TMEM106B: variants seen among roughly 807,000 people sequenced by gnomAD.
TMEM106B encodes the protein transmembrane protein 106B.
In TMEM106B, 15 loss-of-function variants were observed where a neutral mutation model predicts 31.1. That is an observed-to-expected ratio of 0.48 (90% confidence interval 0.32 to 0.74). The LOEUF is 0.74. TMEM106B is among the 30% of genes least tolerant of loss of function. The pLI is 0.03. For synonymous variants in TMEM106B, 126 were observed against 112.5 expected (o/e 1.12, Z -0.76); for missense variants, 283 against 327.3 (o/e 0.86, Z 1.04).
intron 2 of TMEM106B, among the ~76,000 whole-genome samples, chr7:12,217,026 A>AT (rs34797201): frequency 3.9e-4 from 58 of 150,298 alleles, no homozygotes; most frequent in East Asian, 5.9e-4. Flanking sequence ...CAGGAGAGGG[A>AT]TTTTTTTTTT....
chr7:12,225,388 A>T (rs1198242032), intron 4 of TMEM106B, among the ~76,000 whole-genome samples: 1 of 152,152 alleles, frequency 6.6e-6, no homozygotes, highest in African/African-American at 2.4e-5. Context: ...ATACCCAGTA[A>T]TGGGATTGCT....
chr7:12,233,421 G>T lies in TMEM106B; in HGVS notation c.*1446G>T, dbSNP rs1782067494. The T allele has an allele frequency of 6.6e-6, 1 of 151,418 alleles. No individual in the cohort carries two copies. Among genetic ancestry groups the T allele is most frequent in the Non-Finnish European group, 1.5e-5 (1 of 67,616 alleles). The allele number at this position is 151,418 out of a possible 1,614,324, so 9.4% of individuals were successfully genotyped here. ...AAGTGCCTAACTTAGGTCTGAAACA[G>T]CCTGTTTATTAGTCTGACTCTCTCA... On this transcript the variant is annotated 3_prime_UTR_variant, in exon 8 of 8. Coordinates refer to ENST00000396668, the MANE Select transcript of TMEM106B (RefSeq NM_001134232.2).
intron 4 of TMEM106B, among the ~76,000 whole-genome samples, chr7:12,228,632 G>T (rs2128527001): frequency 6.6e-6 from 1 of 151,894 alleles, no homozygotes; most frequent in East Asian, 1.9e-4. Flanking sequence ...CTCAGAAGTA[G>T]GATTGCCCGA....
At position 12,234,866 on chromosome 7, in the gene TMEM106B, C is replaced by T. The variant is rs1292841332; in HGVS notation, c.*2891C>T. ...GTCCAACAAAGGAGAGTGATAGGCT[C>T]CTTATCTTTTAGAAGAGGAAGGAAA... On this transcript the variant is annotated 3_prime_UTR_variant, in exon 8 of 8. Coordinates refer to ENST00000396668, the MANE Select transcript of TMEM106B (RefSeq NM_001134232.2). 2 of 151,704 alleles carry T rather than the reference C, an allele frequency of 1.3e-5. No individual in the cohort carries two copies. Among genetic ancestry groups the T allele is most frequent in the East Asian group, 3.9e-4 (2 of 5,186 alleles). 9.4% of individuals were successfully genotyped at this position (151,704 alleles called of 1,614,324 possible).
Position 12,213,281 on chromosome 7 carries a change from C to T in TMEM106B, c.-2-1528C>T, listed in dbSNP as rs150404395. On this transcript the variant is annotated intron_variant, in intron 1 of 7. Coordinates refer to ENST00000396668, the MANE Select transcript of TMEM106B (RefSeq NM_001134232.2). ...ACATTGGCTTCATAATTTTAACTGT[C>T]AACTGTTGAATGAAAAAAAAACTGT... is the stretch of plus-strand genomic sequence containing the variant. 1.7e-4 allele frequency among the ~76,000 whole-genome samples: 25 copies of T among 147,704 alleles called. No individual in the cohort carries two copies. The East Asian group carries it at 4.5e-3, about 27-fold the overall frequency.
At chr7:12,220,643 A>T (rs1781769043) in intron 3 of TMEM106B, among the ~76,000 whole-genome samples, 1 of 152,226 alleles carries the variant, frequency 6.6e-6, no homozygotes, top group African/African-American at 2.4e-5. Context: ...GTAGTGACTG[A>T]AAACAAGTAT....
intron 2 of TMEM106B, chr7:12,215,588 T>G (rs1339282006): frequency 3.0e-6 from 1 of 332,330 alleles, no homozygotes; most frequent in African/African-American, 2.2e-5. Context: ...TAAAATTTTA[T>G]TTTTTTAATA....
chr7:12,213,260 T>C (rs890374204), intron 1 of TMEM106B, among the ~76,000 whole-genome samples: 1 of 121,410 alleles, frequency 8.2e-6, no homozygotes, highest in Admixed American at 8.6e-5. Flanking sequence ...TTTGGAACAT[T>C]GGCTTCATAA....
rs950798416 is a variant in TMEM106B at position 12,238,917 on chromosome 7, A to G, written c.*6942A>G. 6.6e-6 allele frequency: 1 copy of G among 152,170 alleles called. No homozygotes were observed. Among genetic ancestry groups the G allele is most frequent in the Non-Finnish European group, 1.5e-5 (1 of 68,028 alleles). The allele number at this position is 152,170 out of a possible 1,614,324, so 9.4% of individuals were successfully genotyped here. ...AGGATTTTCAGGATGGCAAATGAGC[A>G]TTGGCTTCAACTTAAAGTCACCAGC... is the stretch of plus-strand genomic sequence containing the variant. On this transcript the variant is annotated 3_prime_UTR_variant, in exon 8 of 8. Transcript: ENST00000396668.
chr7:12,226,099 A>C (rs916176342), intron 4 of TMEM106B, among the ~76,000 whole-genome samples: 18 of 151,132 alleles, frequency 1.2e-4, no homozygotes, highest in African/African-American at 3.7e-4. Context: ...ATGACAAGCC[A>C]GTTTTCCCAG....
Position 12,241,228 on chromosome 7 carries a change from C to T in TMEM106B, c.*9253C>T, listed in dbSNP as rs933415555. On this transcript the variant is annotated 3_prime_UTR_variant, in exon 8 of 8. Coordinates refer to ENST00000396668, the MANE Select transcript of TMEM106B (RefSeq NM_001134232.2). ...AGATGAAATACAAATAATTTTAATC[C>T]CAAATCTATTTCAGACACCTAACTT... 1 of 151,786 alleles carries T rather than the reference C, an allele frequency of 6.6e-6. No homozygotes were observed. Among genetic ancestry groups the T allele is most frequent in the African/African-American group, 2.4e-5 (1 of 41,304 alleles). The allele number at this position is 151,786 out of a possible 1,614,324, so 9.4% of individuals were successfully genotyped here.
intron 4 of TMEM106B, among the ~76,000 whole-genome samples, chr7:12,228,416 ATT>A (rs1475847074): frequency 6.6e-6 from 1 of 150,678 alleles, no homozygotes; most frequent in African/African-American, 2.4e-5. Flanking sequence ...TGGTTTTCAC[ATT>A]TGTTAATACC....
At chr7:12,231,759 A>G (rs897887794) in intron 7 of TMEM106B, 78 bp from the exon 8 acceptor site, 3 of 1,117,112 alleles carry the variant, frequency 2.7e-6, no homozygotes, top group African/African-American at 1.6e-5. Context: ...GATAATTTTT[A>G]TGTGTTAAAG....
rs2128528557 is a variant in TMEM106B at position 12,233,816 on chromosome 7, T to C, written c.*1841T>C. The C allele has an allele frequency of 6.6e-6, 1 of 151,818 alleles. No individual in the cohort carries two copies. The allele number at this position is 151,818 out of a possible 1,614,324, so 9.4% of individuals were successfully genotyped here. On this transcript the variant is annotated 3_prime_UTR_variant, in exon 8 of 8. Coordinates refer to ENST00000396668, the MANE Select transcript of TMEM106B (RefSeq NM_001134232.2). ...TGACATGATCTATGTCTATATATGATATAGGTCCCCTTTTGTCTCAAAATT... is the reference window on the plus strand; with the variant it reads ...TGACATGATCTATGTCTATATATGACATAGGTCCCCTTTTGTCTCAAAATT...
chr7:12,224,806 C>G (rs77799203), intron 4 of TMEM106B, among the ~76,000 whole-genome samples: 16,212 of 150,876 alleles, frequency 0.11, 983 homozygotes, highest in Non-Finnish European at 0.13. Flanking sequence ...CCTTTATCAG[C>G]TTTAAAGATG....
chr7:12,239,239 T>C lies in TMEM106B; in HGVS notation c.*7264T>C, dbSNP rs1368551497. ...CCAACCTCTTGGTAGCTTCCAACTT[T>C]TCTTCAATAGCTTCCTCATCTCTCT... On this transcript the variant is annotated 3_prime_UTR_variant, in exon 8 of 8. Transcript: ENST00000396668. The C allele has an allele frequency of 6.6e-6, 1 of 152,186 alleles. No individual in the cohort carries two copies. The highest frequency in any genetic ancestry group is 6.6e-5 in the Admixed American group (1 of 15,266). 9.4% of individuals were successfully genotyped at this position (152,186 alleles called of 1,614,324 possible). A position where few individuals can be genotyped will look rare whatever the true frequency, so the allele number is the denominator to read the frequency against.
rs1782098195 is a variant in TMEM106B at position 12,234,834 on chromosome 7, TC to T, written c.*2861del. The T allele has an allele frequency of 6.6e-6, 1 of 151,838 alleles. No individual in the cohort carries two copies. The allele number at this position is 151,838 out of a possible 1,614,324, so 9.4% of individuals were successfully genotyped here. ...TTTTTCTTACGTGATTTCCCACAGT[TC>T]CATGAGTCCAACAAAGGAGAGTGAT... On this transcript the variant is annotated 3_prime_UTR_variant, in exon 8 of 8. Coordinates refer to ENST00000396668, the MANE Select transcript of TMEM106B (RefSeq NM_001134232.2).
At chr7:12,215,950 CT>C (rs1781678586) in intron 2 of TMEM106B, 1 of 153,082 alleles carries the variant, frequency 6.5e-6, no homozygotes, top group Non-Finnish European at 1.5e-5. Context: ...ATACTTTATG[CT>C]GTTCTCATTA....
rs551302170 is a variant in TMEM106B, at chr7:12,240,440, T to C, written c.*8465T>C. The stretch of plus-strand genomic sequence containing the variant: ...TTTGTTTTAAACTTGTTTTAAACTT[T>C]TGTTTTCATCAACTTTTTTCAAACA... On this transcript the variant is annotated 3_prime_UTR_variant, in exon 8 of 8. Coordinates refer to ENST00000396668, the MANE Select transcript of TMEM106B (RefSeq NM_001134232.2). 174 of 152,320 alleles carry C rather than the reference T, an allele frequency of 1.1e-3. 1 individual carries two copies. The highest frequency in any genetic ancestry group is 4.0e-3 in the African/African-American group (167 of 41,582). 9.4% of individuals were successfully genotyped at this position (152,320 alleles called of 1,614,324 possible). A position where few individuals can be genotyped will look rare whatever the true frequency, so the allele number is the denominator to read the frequency against.
Sources: gnomAD v4.1 joint callset for allele counts (sites outside exome capture counted in the v4.1 genomes callset) on GRCh38, gnomAD v4.1.1 for gene constraint, MANE v1.5 for transcripts, NCBI Gene and HGNC (gene_info 2026-07-23, HGNC 2026-07-21) for gene names.